The following GTSE1 variants were observed in gnomAD, a reference collection of about 807,000 sequenced individuals.
GTSE1 encodes G2 and S-phase expressed 1.
GTSE1 carries 52 observed loss-of-function variants against 60.5 expected under a neutral mutation model. That is an observed-to-expected ratio of 0.86 (90% CI 0.69 to 1.08). The LOEUF is 1.08. GTSE1 is among the 50% of genes least tolerant of loss of function. The pLI is 0.00. For missense variants in GTSE1, 937 were observed against 961.8 expected, an observed-to-expected ratio of 0.97 and a Z score of 0.34; for synonymous variants, 368 against 386.5, an observed-to-expected ratio of 0.95 and a Z score of 0.56.
At chr22:46,325,522 G>T (rs771477709) in intron 8 of GTSE1, among the ~76,000 whole-genome samples, 1 of 152,126 alleles carries the variant, frequency 6.6e-6, no homozygotes, top group African/African-American at 2.4e-5. Context: ...TTGAGACAGG[G>T]TCTTGCTCTG....
intron 2 of GTSE1, among the ~76,000 whole-genome samples, chr22:46,303,690 T>G (rs2077701658): frequency 6.6e-6 from 1 of 152,252 alleles, no homozygotes; most frequent in Admixed American, 6.5e-5. Context: ...GTCGTAGGTG[T>G]GCTATTCATG....
Position 46,328,903 on chromosome 22 carries a change from G to A in GTSE1, c.1926+14G>A. 1 of 1,599,998 alleles carries A rather than the reference G, an allele frequency of 6.3e-7. No homozygotes were observed. The highest frequency in any genetic ancestry group is 1.1e-5 in the South Asian group (1 of 90,828). ...GCCCCTAGTGAGGTGGGCAGAACGGGCGCAGCTGGGTTCTGTTAGCTGAGA... is the reference window on the plus strand; with the variant it reads ...GCCCCTAGTGAGGTGGGCAGAACGGACGCAGCTGGGTTCTGTTAGCTGAGA... On this transcript the variant is annotated intron_variant, in intron 10 of 11. Coordinates refer to ENST00000454366, the MANE Select transcript of GTSE1 (RefSeq NM_016426.7).
rs199691143 is a variant in GTSE1 at position 46,308,725 on chromosome 22, C to T, written c.544C>T (p.Arg182Trp). ...PLLGPPVGEPRLLASSPALPS... is the reference protein window; with the variant it reads ...PLLGPPVGEPWLLASSPALPS... ...GCTGGGGCCCCCTGTGGGTGAGCCTCGGCTCTTGGCCTCCTCCCCGGCCCT... is the reference window on the plus strand; with the variant it reads ...GCTGGGGCCCCCTGTGGGTGAGCCTTGGCTCTTGGCCTCCTCCCCGGCCCT... The change falls in exon 4 of 12, where the codon CGG (arginine) becomes TGG (tryptophan). Residue 182 changes from arginine (R) to tryptophan (W), a missense_variant. By Grantham distance (101) the Arg-to-Trp change is moderately radical. Transcript: ENST00000454366. 4.5e-5 allele frequency: 72 copies of T among 1,613,562 alleles called. No individual in the cohort carries two copies. The highest frequency in any genetic ancestry group is 5.1e-5 in the Non-Finnish European group (60 of 1,180,030).
Position 46,329,350 on chromosome 22 carries a change from G to C in GTSE1, c.1927-8G>C, listed in dbSNP as rs775420428. 5.6e-6 allele frequency: 9 copies of C among 1,609,988 alleles called. No homozygotes were observed. Among genetic ancestry groups the C allele is most frequent in the Middle Eastern group, 1.6e-4 (1 of 6,062 alleles). ...GGACTCTGCTCTTAACCTTGGTTTTGTACCCAGGCTCTTCTTGTAGATATC... is the reference window on the plus strand; with the variant it reads ...GGACTCTGCTCTTAACCTTGGTTTTCTACCCAGGCTCTTCTTGTAGATATC... On this transcript the variant is annotated splice_region_variant and splice_polypyrimidine_tract_variant and intron_variant, in intron 10 of 11. Transcript: ENST00000454366. The surrounding 1 kb of genome is among the most constrained non-coding windows in gnomAD (Gnocchi z 6.4).
chr22:46,309,672 C>G lies in GTSE1; in HGVS notation c.762+729C>G, dbSNP rs754092292. ...GAAATTCCTTTACCCCCACCAAGCCCATCTCCTGAGCCACATGACTCCCTG... is the reference window on the plus strand; with the variant it reads ...GAAATTCCTTTACCCCCACCAAGCCGATCTCCTGAGCCACATGACTCCCTG... On this transcript the variant is annotated intron_variant, in intron 4 of 11. Transcript: ENST00000454366. This position sits in a 1 kb window ranked among gnomAD's most constrained non-coding sequence, Gnocchi z 6.2. 3.9e-5 allele frequency among the ~76,000 whole-genome samples: 6 copies of G among 152,184 alleles called. No homozygotes were observed. Among genetic ancestry groups the G allele is most frequent in the Non-Finnish European group, 7.3e-5 (5 of 68,030 alleles).
In GTSE1 at chr22:46,320,222, C is replaced by T. The variant is rs988459696; in HGVS notation, c.1433-2968C>T. On this transcript the variant is annotated intron_variant, in intron 7 of 11. Transcript: ENST00000454366. The surrounding 1 kb of genome is among the most constrained non-coding windows in gnomAD (Gnocchi z 7.1). ...TTGATGCCACAGGACTTCTGCTAAT[C>T]CCAAATCCCTGTTGGCTTTGCCCTG... Among the ~76,000 whole-genome samples the T allele has an allele frequency of 1.3e-5, 2 of 152,174 alleles. No homozygotes were observed. The highest frequency in any genetic ancestry group is 2.1e-4 in the South Asian group (1 of 4,824).
rs540541286 is a variant in GTSE1, at chr22:46,318,667, C to T, written c.1432+2255C>T. ...CGGTAGGAAAGTGCAAGGGGGAGCACTCCAGGCAGAGGCAACGGCAGGAGT... is the reference window on the plus strand; with the variant it reads ...CGGTAGGAAAGTGCAAGGGGGAGCATTCCAGGCAGAGGCAACGGCAGGAGT... On this transcript the variant is annotated intron_variant, in intron 7 of 11. Coordinates refer to ENST00000454366, the MANE Select transcript of GTSE1 (RefSeq NM_016426.7). The surrounding 1 kb of genome is among the most constrained non-coding windows in gnomAD (Gnocchi z 4.8). Among the ~76,000 whole-genome samples, 17 of 152,214 alleles carry T rather than the reference C, an allele frequency of 1.1e-4. No homozygotes were observed. Among genetic ancestry groups the T allele is most frequent in the African/African-American group, 3.9e-4 (16 of 41,544 alleles).
chr22:46,308,536 C>G lies in GTSE1; in HGVS notation c.355C>G (p.Gln119Glu). Residue 119 changes from glutamine to glutamate, a missense_variant, in exon 4 of 12, where the codon CAG (glutamine) becomes GAG (glutamate). Transcript: ENST00000454366. ...ACACATTGAGAGCAGCAGCCGGAAC[C>G]AGGCAGCCCAAGCTGCCAAGCCTGA... ...ALHIESSSRN[Q>E]AAQAAKPEDP... 1 of 1,614,150 alleles carries G rather than the reference C, an allele frequency of 6.2e-7. No homozygotes were observed. Among genetic ancestry groups the G allele is most frequent in the Non-Finnish European group, 8.5e-7 (1 of 1,179,992 alleles).
At chr22:46,327,313 C>T (rs1036120961) in intron 9 of GTSE1, 1 of 152,190 alleles carries the variant, frequency 6.6e-6, no homozygotes, top group Admixed American at 6.5e-5. Flanking sequence ...GAAAAAGGCA[C>T]CTGATTCCAA....
Position 46,330,123 on chromosome 22 carries a change from A to G in GTSE1, c.2213A>G (p.Lys738Arg). 6.3e-7 allele frequency: 1 copy of G among 1,594,106 alleles called. No individual in the cohort carries two copies. Among genetic ancestry groups the G allele is most frequent in the Non-Finnish European group, 8.6e-7 (1 of 1,161,726 alleles). The change falls in exon 12 of 12, where the codon AAG becomes AGG. Residue 738 changes from lysine (K) to arginine (R), a missense_variant. Physicochemically the swap from Lys to Arg is conservative, Grantham distance 26. Coordinates refer to ENST00000454366, the MANE Select transcript of GTSE1 (RefSeq NM_016426.7). The surrounding 1 kb of genome is among the most constrained non-coding windows in gnomAD (Gnocchi z 6.0). ...DKENVDSPLL[K>R]F ...GAGAACGTGGATTCCCCACTCCTCA[A>G]GTTCTAAGCCGAACCAAATCCTTTG...
Position 46,330,040 on chromosome 22 carries a change from C to T in GTSE1, c.2137-7C>T. On this transcript the variant is annotated splice_region_variant and splice_polypyrimidine_tract_variant and intron_variant, in intron 11 of 11. Transcript: ENST00000454366. The surrounding 1 kb of genome is among the most constrained non-coding windows in gnomAD (Gnocchi z 6.0). ...ACGCTCACCTCCTCCACTCTGCTCT[C>T]TTCCAGCTCATAGACCTGAGCTCCC... 1 of 1,589,372 alleles carries T rather than the reference C, an allele frequency of 6.3e-7. No individual in the cohort carries two copies. Among genetic ancestry groups the T allele is most frequent in the East Asian group, 2.2e-5 (1 of 44,776 alleles).
At position 46,323,216 on chromosome 22, in the gene GTSE1, A is replaced by G. The variant is rs757029528; in HGVS notation, c.1459A>G (p.Lys487Glu). The change falls in exon 8 of 12, where the codon AAG becomes GAG. Residue 487 changes from lysine to glutamate, a missense_variant. Physicochemically the swap from Lys to Glu is moderately conservative, Grantham distance 56 (BLOSUM62 1). Transcript: ENST00000454366. ...IGDSPDSSTP[K>E]LSRAQRPQSC... ...TGACTCCCCGGACAGCTCAACACCA[A>G]AGCTTTCGCGGGCACAGCGGCCGCA... The G allele has an allele frequency of 3.7e-6, 6 of 1,613,928 alleles. No homozygotes were observed. In the Admixed American group the frequency reaches 1.0e-4, roughly 27 times the overall value.
At chr22:46,327,476 A>G (rs8138751) in intron 9 of GTSE1, among the ~76,000 whole-genome samples, 41,714 of 152,020 alleles carry the variant, frequency 0.27, 9,112 homozygotes, top group African/African-American at 0.61. Context: ...GTTCGAGACC[A>G]ACCTGGCCAA....
intron 5 of GTSE1, among the ~76,000 whole-genome samples, chr22:46,312,816 A>G (rs2077756716): frequency 6.6e-6 from 1 of 152,104 alleles, no homozygotes; most frequent in Non-Finnish European, 1.5e-5. Flanking sequence ...AGGTGGGGAT[A>G]TTCCGTTTCC....
chr22:46,302,211 TATTA>T lies in GTSE1; in HGVS notation c.79+4733_79+4736del, dbSNP rs1452587075. On this transcript the variant is annotated intron_variant, in intron 2 of 11. Coordinates refer to ENST00000454366, the MANE Select transcript of GTSE1 (RefSeq NM_016426.7). Reference sequence around the variant, plus strand: ...TCTGTTTGTATCCTTTTTCTATCTTTATTAGATTATTAATTTTTTATTACTTTAT... The same window carrying T: ...TCTGTTTGTATCCTTTTTCTATCTTTGATTATTAATTTTTTATTACTTTAT... 2.0e-5 allele frequency among the ~76,000 whole-genome samples: 3 copies of T among 152,236 alleles called. No individual in the cohort carries two copies. The East Asian group carries it at 5.8e-4, about 29-fold the overall frequency.
At chr22:46,302,316 G>A (rs976148531) in intron 2 of GTSE1, among the ~76,000 whole-genome samples, 3 of 151,776 alleles carry the variant, frequency 2.0e-5, no homozygotes, top group Non-Finnish European at 2.9e-5. Flanking sequence ...TTAACTTATT[G>A]TGATTTTTGC....
rs2077769822 is a variant in GTSE1, at chr22:46,314,860, A to AAAAAAAAT, written c.1051+848_1051+855dup. 6.6e-6 allele frequency among the ~76,000 whole-genome samples: 1 copy of AAAAAAAAT among 152,016 alleles called. No individual in the cohort carries two copies. Among genetic ancestry groups the AAAAAAAAT allele is most frequent in the African/African-American group, 2.4e-5 (1 of 41,384 alleles). On this transcript the variant is annotated intron_variant, in intron 6 of 11. Coordinates refer to ENST00000454366, the MANE Select transcript of GTSE1 (RefSeq NM_016426.7). The surrounding 1 kb of genome is among the most constrained non-coding windows in gnomAD (Gnocchi z 7.1). ...CACTGCACTCCGTCTCAAAAAAAAA[A>AAAAAAAAT]AAAAAAATGATAAGTGTGAACTCTC...
rs141501144 is a variant in GTSE1 at position 46,308,680 on chromosome 22, T to G, written c.499T>G (p.Tyr167Asp). The change falls in exon 4 of 12, where the codon TAC becomes GAC. Residue 167 changes from tyrosine to aspartate, a missense_variant. By Grantham distance (160) the Tyr-to-Asp change is radical (BLOSUM62 -3). Transcript: ENST00000454366. ...SPTSLKRETY[Y>D]LSDSPLLGPP... The stretch of plus-strand genomic sequence containing the variant: ...CACGTCTCTTAAAAGGGAGACATAC[T>G]ACCTGTCAGACAGCCCCTTGCTGGG... 5.7e-4 allele frequency: 928 copies of G among 1,613,954 alleles called. 5 individuals are homozygous for G. The highest frequency in any genetic ancestry group is 3.8e-3 in the Middle Eastern group (23 of 6,060).
rs1729017543 is a variant in GTSE1 at position 46,329,162 on chromosome 22, G to A, written c.1927-196G>A. 2.2e-5 allele frequency: 14 copies of A among 650,188 alleles called. No individual in the cohort carries two copies. Among genetic ancestry groups the A allele is most frequent in the Non-Finnish European group, 3.5e-5 (13 of 367,026 alleles). 40.3% of individuals were successfully genotyped at this position (650,188 alleles called of 1,614,324 possible). A position where few individuals can be genotyped will look rare whatever the true frequency, so the allele number is the denominator to read the frequency against. ...GGAGCTGGTGGCTGCTGGTGAGCGG[G>A]TATGGACAGGGAGGTGGGCAACAGT... On this transcript the variant is annotated intron_variant, in intron 10 of 11. Coordinates refer to ENST00000454366, the MANE Select transcript of GTSE1 (RefSeq NM_016426.7). This position sits in a 1 kb window ranked among gnomAD's most constrained non-coding sequence, Gnocchi z 6.4.
Sources: gnomAD v4.1 joint callset for allele counts (sites outside exome capture counted in the v4.1 genomes callset) on GRCh38, gnomAD v4.1.1 for gene constraint, Gnocchi (gnomAD v3.1) non-coding constraint, MANE v1.5 for transcripts, NCBI Gene and HGNC (gene_info 2026-07-23, HGNC 2026-07-21) for gene names.